Variants in UCK2 observed in about 807,000 individuals in gnomAD.
UCK2 encodes cytidine monophosphokinase 2.
Under a neutral mutation model 30.8 loss-of-function variants are expected in UCK2, and 6 were observed. The ratio of observed to expected loss-of-function variants is 0.19; its 90% confidence interval spans 0.11 to 0.38. The LOEUF (loss-of-function observed/expected upper bound fraction) is 0.38, where lower values mean the gene tolerates loss of function less well. Among genes scored for constraint, UCK2 ranks in the 10% least tolerant of loss-of-function variants. The pLI, the probability that UCK2 is intolerant of heterozygous loss-of-function variation, is 1.00. For synonymous variants in UCK2, 125 were observed against 133.6 expected, an observed-to-expected ratio of 0.94 and a Z score of 0.45; for missense variants, 210 against 339.8, an observed-to-expected ratio of 0.62 and a Z score of 3.00.
intron 1 of UCK2, among the ~76,000 whole-genome samples, chr1:165,886,210 C>T (rs1001838271): frequency 3.3e-4 from 51 of 152,310 alleles, no homozygotes; most frequent in African/African-American, 1.2e-3. Context: ...TGTACCCTTT[C>T]CCATTTTAGA....
At chr1:165,829,488 A>G (rs1480447109) in intron 1 of UCK2, among the ~76,000 whole-genome samples, 1 of 152,152 alleles carries the variant, frequency 6.6e-6, no homozygotes, top group Admixed American at 6.5e-5. Context: ...GTGGGGTCCA[A>G]ATTTTAAGCT....
At chr1:165,863,458 A>G (rs958634462) in intron 1 of UCK2, among the ~76,000 whole-genome samples, 5 of 152,192 alleles carry the variant, frequency 3.3e-5, no homozygotes, top group East Asian at 1.9e-4. Flanking sequence ...CATCAGCAGT[A>G]TGGGTTAAGT....
chr1:165,905,890 A>T, intron 5 of UCK2, 31 bp from the exon 6 acceptor site: 1 of 1,608,766 alleles, frequency 6.2e-7, no homozygotes, highest in East Asian at 2.2e-5. Context: ...TCTTAACTGT[A>T]TTAATGCATA....
chr1:165,847,517 A>AT (rs1654482296), intron 1 of UCK2, among the ~76,000 whole-genome samples: 1 of 152,182 alleles, frequency 6.6e-6, no homozygotes, highest in South Asian at 2.1e-4. Context: ...ATTTCAAAAA[A>AT]TTACATTTTC....
intron 4 of UCK2, among the ~76,000 whole-genome samples, chr1:165,902,190 C>T (rs561228537): frequency 1.3e-5 from 2 of 151,942 alleles, no homozygotes; most frequent in Non-Finnish European, 2.9e-5. Flanking sequence ...GAGCTGAGAT[C>T]GCGCCACTGC....
rs1654163210 is a variant in UCK2, at chr1:165,835,391, T to C, written c.99+7459T>C. On this transcript the variant is annotated intron_variant, in intron 1 of 6. Coordinates refer to ENST00000367879, the MANE Select transcript of UCK2 (RefSeq NM_012474.5). Reference sequence around the variant, plus strand: ...TTATTATTATTATTATTTCAGAGACTGTGTCTCACTATGTTGCCCAGGCTG... The same window carrying C: ...TTATTATTATTATTATTTCAGAGACCGTGTCTCACTATGTTGCCCAGGCTG... Among the ~76,000 whole-genome samples, 5 of 152,004 alleles carry C rather than the reference T, an allele frequency of 3.3e-5. No homozygotes were observed. In the South Asian group the frequency reaches 8.3e-4, roughly 25 times the overall value.
chr1:165,837,334 ACC>A (rs971290218), intron 1 of UCK2, among the ~76,000 whole-genome samples: 13 of 152,306 alleles, frequency 8.5e-5, no homozygotes, highest in African/African-American at 2.9e-4. Context: ...TGTAATTGTT[ACC>A]ACTGGTCACA....
At chr1:165,880,572 T>G (rs1390351644) in intron 1 of UCK2, among the ~76,000 whole-genome samples, 5 of 20,350 alleles carry the variant, frequency 2.5e-4, no homozygotes, top group Non-Finnish European at 5.2e-4. Flanking sequence ...TGGGGGTGTG[T>G]GTGTGTGTGT....
intron 1 of UCK2, among the ~76,000 whole-genome samples, chr1:165,877,359 A>T (rs909908059): frequency 1.3e-5 from 2 of 152,156 alleles, no homozygotes; most frequent in Non-Finnish European, 2.9e-5. Flanking sequence ...AGACACCGGG[A>T]TGTTGACGTT....
chr1:165,889,036 A>G (rs989414752), intron 1 of UCK2, among the ~76,000 whole-genome samples: 14 of 152,194 alleles, frequency 9.2e-5, no homozygotes, highest in Non-Finnish European at 1.5e-4. Context: ...ATTTTAGGAT[A>G]CATGTATTAC....
At chr1:165,859,699 T>A (rs2101863919) in intron 1 of UCK2, among the ~76,000 whole-genome samples, 1 of 152,250 alleles carries the variant, frequency 6.6e-6, no homozygotes, top group Middle Eastern at 3.4e-3. Context: ...TGGTGGTGCA[T>A]GCCTGTGGTC....
In UCK2 at chr1:165,911,574, C is replaced by T. The variant is rs553952885; in HGVS notation, c.*3751C>T. 1 of 152,294 alleles carries T rather than the reference C, an allele frequency of 6.6e-6. No individual in the cohort carries two copies. Among genetic ancestry groups the T allele is most frequent in the South Asian group, 2.1e-4 (1 of 4,826 alleles). The allele number at this position is 152,294 out of a possible 1,614,324, so 9.4% of individuals were successfully genotyped here. ...TTTATTGTTAGTGGTTACAAAGTGA[C>T]CACATATTATGTACTTTGCTGTAAA... is the stretch of plus-strand genomic sequence containing the variant. On this transcript the variant is annotated 3_prime_UTR_variant, in exon 7 of 7. Coordinates refer to ENST00000367879, the MANE Select transcript of UCK2 (RefSeq NM_012474.5).
chr1:165,895,977 A>G, intron 3 of UCK2: 1 of 570,252 alleles, frequency 1.8e-6, no homozygotes, highest in South Asian at 2.5e-5. Flanking sequence ...AAGTGGTCAA[A>G]GGAGACCTTT....
chr1:165,844,952 A>G (rs926683933), intron 1 of UCK2, among the ~76,000 whole-genome samples: 4 of 152,204 alleles, frequency 2.6e-5, no homozygotes, highest in Non-Finnish European at 5.9e-5. Context: ...TCCCTTTATA[A>G]TAAATGGGTA....
At chr1:165,876,233 C>G (rs1452104319) in intron 1 of UCK2, among the ~76,000 whole-genome samples, 1 of 152,216 alleles carries the variant, frequency 6.6e-6, no homozygotes, top group Non-Finnish European at 1.5e-5. Context: ...ATGGCAGTTT[C>G]ACACATCTGC....
intron 1 of UCK2, among the ~76,000 whole-genome samples, chr1:165,855,827 T>C (rs1654729929): frequency 6.6e-6 from 1 of 152,144 alleles, no homozygotes; most frequent in South Asian, 2.1e-4. Context: ...TGGAACCCTG[T>C]TTCCTTGTCC....
At position 165,827,630 on chromosome 1, in the gene UCK2, G is replaced by A; in HGVS notation, c.-204G>A. 2.6e-6 allele frequency: 1 copy of A among 389,296 alleles called. No homozygotes were observed. The highest frequency in any genetic ancestry group is 4.5e-6 in the Non-Finnish European group (1 of 223,082). The allele number at this position is 389,296 out of a possible 1,614,324, so 24.1% of individuals were successfully genotyped here. A position where few individuals can be genotyped will look rare whatever the true frequency, so the allele number is the denominator to read the frequency against. ...GCCTGGGATGTAAACCGGACCAGCC[G>A]CTGCGGGCAAAGGAAGGCTCTTGGC... On this transcript the variant is annotated 5_prime_UTR_variant, in exon 1 of 7. Transcript: ENST00000367879.
intron 1 of UCK2, among the ~76,000 whole-genome samples, chr1:165,872,625 A>G (rs1187155969): frequency 1.3e-5 from 2 of 152,256 alleles, no homozygotes; most frequent in Non-Finnish European, 2.9e-5. Context: ...CATTTTAGAA[A>G]AAGTTGAGAC....
intron 1 of UCK2, among the ~76,000 whole-genome samples, chr1:165,831,416 C>G (rs1167955075): frequency 6.6e-6 from 1 of 152,134 alleles, no homozygotes; most frequent in Non-Finnish European, 1.5e-5. Context: ...TCATATTTCC[C>G]CCTAAAGGAC....
Sources: allele counts gnomAD v4.1 joint callset (sites outside exome capture counted in the v4.1 genomes callset), GRCh38; gene constraint gnomAD v4.1.1; transcripts MANE v1.5; gene names NCBI Gene and HGNC (gene_info 2026-07-23, HGNC 2026-07-21).